Variants in LPIN2 observed in about 807,000 individuals in gnomAD.
LPIN2 encodes the protein lipin 2, also known as phosphatidate phosphatase LPIN2.
A neutral mutation model predicts 111.4 loss-of-function variants in LPIN2; 55 were observed. The observed-to-expected ratio is 0.49, with a 90% CI of 0.40 to 0.62. The LOEUF is 0.62. Among genes scored for constraint, LPIN2 ranks in the 20% least tolerant of loss-of-function variants. The probability of loss-of-function intolerance (pLI) is 0.00; values close to 1 mark genes in which losing one functional copy is unlikely to be tolerated. For synonymous variants in LPIN2, 425 were observed against 414.0 expected (o/e 1.03, Z -0.32); for missense variants, 992 against 1,112.1 (o/e 0.89, Z 1.54).
In LPIN2 at chr18:2,928,590, C is replaced by T. The variant is rs200114269; in HGVS notation, c.1620+1G>A. 2 of 1,614,158 alleles carry T rather than the reference C, an allele frequency of 1.2e-6. No homozygotes were observed. The highest frequency in any genetic ancestry group is 1.3e-5 in the African/African-American group (1 of 75,044). ...AGGCAGCAGATGGTGGATCGCCTCA[C>T]CTTAGGCAAGCTCTTCTGGAATACT... On this transcript the variant is annotated splice_donor_variant, in intron 11 of 19. Transcript: ENST00000677752. LOFTEE classifies it high-confidence loss of function.
chr18:2,992,800 A>G (rs557370700), intron 1 of LPIN2, among the ~76,000 whole-genome samples: 2 of 152,042 alleles, frequency 1.3e-5, no homozygotes, highest in South Asian at 2.1e-4. Flanking sequence ...TGGCTAACAC[A>G]GTGAAACCAT....
chr18:2,990,077 A>G lies in LPIN2; in HGVS notation c.-10+23010T>C, dbSNP rs538203103. Among the ~76,000 whole-genome samples, 23 of 152,344 alleles carry G rather than the reference A, an allele frequency of 1.5e-4. No homozygotes were observed. In the South Asian group the frequency reaches 3.7e-3, roughly 25 times the overall value. On this transcript the variant is annotated intron_variant, in intron 1 of 19. Coordinates refer to ENST00000677752, the MANE Select transcript of LPIN2 (RefSeq NM_001375808.2). ...AGTACCAAATCCACTGCATGGCGGA[A>G]GGAATAGTCTCAACGGATGGTGCTG...
At chr18:2,953,937 A>AG (rs2077574906) in intron 3 of LPIN2, among the ~76,000 whole-genome samples, 1 of 152,144 alleles carries the variant, frequency 6.6e-6, no homozygotes. Context: ...TGTGCTGGGG[A>AG]GGGGGGATTT....
At chr18:2,956,033 G>C (rs2077607261) in intron 2 of LPIN2, among the ~76,000 whole-genome samples, 1 of 152,194 alleles carries the variant, frequency 6.6e-6, no homozygotes, top group Non-Finnish European at 1.5e-5. Flanking sequence ...ACAGTATTTT[G>C]ACTTGTATTA....
At chr18:2,944,104 C>T (rs1331203372) in intron 4 of LPIN2, among the ~76,000 whole-genome samples, 1 of 151,650 alleles carries the variant, frequency 6.6e-6, no homozygotes, top group Admixed American at 6.6e-5. Context: ...AATTTTTCTT[C>T]TTAAGCTCTG....
chr18:2,919,188 A>T lies in LPIN2; in HGVS notation c.*1105T>A, dbSNP rs1350780475. 6.6e-6 allele frequency: 1 copy of T among 152,212 alleles called. No homozygotes were observed. The highest frequency in any genetic ancestry group is 1.5e-5 in the Non-Finnish European group (1 of 68,054). The allele number at this position is 152,212 out of a possible 1,614,324, so 9.4% of individuals were successfully genotyped here. A position where few individuals can be genotyped will look rare whatever the true frequency, so the allele number is the denominator to read the frequency against. Reference sequence around the variant, plus strand: ...CACCCGTGTCCCCATGGGGTCTCACAGGGCTAGGCTGGGGACACTGCTCGG... The same window carrying T: ...CACCCGTGTCCCCATGGGGTCTCACTGGGCTAGGCTGGGGACACTGCTCGG... On this transcript the variant is annotated 3_prime_UTR_variant, in exon 20 of 20. Transcript: ENST00000677752.
intron 1 of LPIN2, among the ~76,000 whole-genome samples, chr18:2,988,586 G>A (rs551595439): frequency 6.6e-6 from 1 of 152,258 alleles, no homozygotes; most frequent in East Asian, 1.9e-4. Flanking sequence ...AGATGGTGAC[G>A]GTAATTGCAA....
At chr18:2,931,003 C>T (rs2077205005) in intron 9 of LPIN2, among the ~76,000 whole-genome samples, 1 of 152,146 alleles carries the variant, frequency 6.6e-6, no homozygotes, top group South Asian at 2.1e-4. Context: ...AACAGGGCGG[C>T]CTGATAACTC....
At chr18:3,010,807 G>C (rs1266580231) in intron 1 of LPIN2, among the ~76,000 whole-genome samples, 4 of 152,052 alleles carry the variant, frequency 2.6e-5, no homozygotes, top group African/African-American at 9.7e-5. Context: ...AAGTACCCAA[G>C]GCATAGAAAA....
chr18:2,981,510 A>T (rs780646662), intron 1 of LPIN2, among the ~76,000 whole-genome samples: 5 of 152,128 alleles, frequency 3.3e-5, no homozygotes, highest in Non-Finnish European at 5.9e-5. Context: ...TGTGAGGGAG[A>T]GTTTATGTGT....
At chr18:3,008,410 C>T (rs1483792430) in intron 1 of LPIN2, among the ~76,000 whole-genome samples, 1 of 152,210 alleles carries the variant, frequency 6.6e-6, no homozygotes, top group African/African-American at 2.4e-5. Context: ...CCACTGCACT[C>T]CAGCCTGGGT....
chr18:2,946,039 C>A, intron 4 of LPIN2: 9 of 1,405,262 alleles, frequency 6.4e-6, no homozygotes, highest in Non-Finnish European at 6.1e-6. Context: ...ACTCTCTAGA[C>A]CCCGATATGT....
At chr18:2,922,249 G>C in intron 16 of LPIN2, 50 bp from the exon 17 acceptor site, 9 of 1,556,378 alleles carry the variant, frequency 5.8e-6, no homozygotes, top group East Asian at 2.3e-5. Context: ...TAAGGGAAAA[G>C]AAAACAAAAA....
chr18:2,991,782 T>A (rs1388185380), intron 1 of LPIN2, among the ~76,000 whole-genome samples: 1 of 150,052 alleles, frequency 6.7e-6, no homozygotes, highest in Admixed American at 6.7e-5. Context: ...GAGGGGGAGG[T>A]GGGTGGATCA....
rs754391475 is a variant in LPIN2, at chr18:2,928,600, G to A, written c.1611C>T (p.Ser537=). The part of the protein sequence containing the change: ...MILSLQVFQK[S]LPKATVESWV... ...TGGTGGATCGCCTCACCTTAGGCAA[G>A]CTCTTCTGGAATACTTGCAAGCTAA... Residue 537 remains serine, a synonymous_variant, in exon 11 of 20, where the codon AGC becomes AGT. Coordinates refer to ENST00000677752, the MANE Select transcript of LPIN2 (RefSeq NM_001375808.2). The A allele has an allele frequency of 9.9e-6, 16 of 1,614,180 alleles. No homozygotes were observed. Among genetic ancestry groups the A allele is most frequent in the Middle Eastern group, 1.6e-4 (1 of 6,062 alleles).
At chr18:2,963,262 G>A (rs977414599) in intron 1 of LPIN2, among the ~76,000 whole-genome samples, 14 of 152,334 alleles carry the variant, frequency 9.2e-5, no homozygotes, top group Middle Eastern at 6.8e-3. Flanking sequence ...CGTTAGTTAC[G>A]TCTGGAGGAA....
At chr18:2,995,275 G>A (rs753520779) in intron 1 of LPIN2, among the ~76,000 whole-genome samples, 27 of 152,160 alleles carry the variant, frequency 1.8e-4, no homozygotes, top group Non-Finnish European at 3.4e-4. Context: ...AATAATGAGG[G>A]ACACTGGAAA....
intron 2 of LPIN2, 40 bp from the exon 3 acceptor site, chr18:2,954,639 C>CT (rs752296504): frequency 7.3e-7 from 1 of 1,377,984 alleles, no homozygotes; most frequent in East Asian, 2.3e-5. Context: ...TTCAAGGAGT[C>CT]TTTCCTTCAA....
At chr18:2,924,616 G>A in intron 14 of LPIN2, 70 bp from the exon 15 acceptor site, 2 of 1,515,058 alleles carry the variant, frequency 1.3e-6, no homozygotes, top group Non-Finnish European at 9.2e-7. Context: ...AAAATTTACA[G>A]AACAACTGGT....
Sources: allele counts gnomAD v4.1 joint callset (sites outside exome capture counted in the v4.1 genomes callset), GRCh38; gene constraint gnomAD v4.1.1; transcripts MANE v1.5; gene names NCBI Gene and HGNC (gene_info 2026-07-23, HGNC 2026-07-21).